SEPTIN2: variants seen among roughly 807,000 people sequenced by gnomAD.
SEPTIN2 encodes septin 2, also known as septin-2.
In SEPTIN2, 34 loss-of-function variants were observed where a neutral mutation model predicts 46.5. The observed-to-expected ratio is 0.73, with a 90% CI of 0.56 to 0.97. The LOEUF (loss-of-function observed/expected upper bound fraction) is 0.97, where lower values mean the gene tolerates loss of function less well. SEPTIN2 is among the 50% of genes least tolerant of loss of function. The pLI is 0.00. For synonymous variants in SEPTIN2, 175 were observed against 153.4 expected (o/e 1.14, Z -1.04); for missense variants, 347 against 448.4 (o/e 0.77, Z 2.04).
chr2:241,316,137 C>T (rs2076172623), intron 1 of SEPTIN2, 155 bp downstream of exon 1: 3 of 197,752 alleles, frequency 1.5e-5, no homozygotes, highest in African/African-American at 4.6e-5. Context: ...CGAGCCCAGG[C>T]TCTTCGGCAC....
intron 2 of SEPTIN2, 33 bp from the exon 3 acceptor site, chr2:241,325,960 T>C: frequency 1.3e-6 from 2 of 1,598,366 alleles, no homozygotes; most frequent in Non-Finnish European, 1.7e-6. Context: ...ACTAAGGTGT[T>C]TATTAGTTTG....
At chr2:241,344,708 A>C (rs907301338) in intron 9 of SEPTIN2, among the ~76,000 whole-genome samples, 1 of 152,068 alleles carries the variant, frequency 6.6e-6, no homozygotes, top group Admixed American at 6.5e-5. Flanking sequence ...GTCTCAAAAA[A>C]ATAATAAATT....
At chr2:241,345,239 T>C (rs1338072236) in intron 9 of SEPTIN2, among the ~76,000 whole-genome samples, 2 of 152,232 alleles carry the variant, frequency 1.3e-5, no homozygotes, top group African/African-American at 4.8e-5. Context: ...TCGCTACATA[T>C]TTGCCGCATG....
intron 11 of SEPTIN2, among the ~76,000 whole-genome samples, chr2:241,349,814 C>CTT (rs1441365788): frequency 6.6e-6 from 1 of 152,160 alleles, no homozygotes; most frequent in Non-Finnish European, 1.5e-5. Flanking sequence ...GAGTGAGACT[C>CTT]TGTCTTAAGA....
At chr2:241,326,686 T>C (rs987598457) in intron 3 of SEPTIN2, among the ~76,000 whole-genome samples, 5 of 152,124 alleles carry the variant, frequency 3.3e-5, no homozygotes, top group African/African-American at 7.2e-5. Context: ...TTACTCACTC[T>C]GGAGGAAGCC....
At chr2:241,334,851 A>G (rs2079653989) in intron 3 of SEPTIN2, among the ~76,000 whole-genome samples, 1 of 152,218 alleles carries the variant, frequency 6.6e-6, no homozygotes, top group South Asian at 2.1e-4. Context: ...GTGAACAGTT[A>G]TGTTTCTAAT....
chr2:241,348,501 G>A (rs1403929807), intron 11 of SEPTIN2, among the ~76,000 whole-genome samples: 1 of 152,190 alleles, frequency 6.6e-6, no homozygotes, highest in African/African-American at 2.4e-5. Flanking sequence ...AAAGTGCTGG[G>A]ATTACAGGTG....
chr2:241,316,546 C>T, intron 1 of SEPTIN2: 1 of 1,518,904 alleles, frequency 6.6e-7, no homozygotes, highest in Non-Finnish European at 8.8e-7. Context: ...CGAAGGTCTG[C>T]ACCAGCGAGG....
chr2:241,318,756 A>C (rs968204838), intron 1 of SEPTIN2, among the ~76,000 whole-genome samples: 1 of 145,896 alleles, frequency 6.9e-6, no homozygotes, highest in Admixed American at 7.1e-5. Context: ...GCTGGAGTGC[A>C]GTGGTGCGAT....
At chr2:241,330,159 T>C (rs2078754573) in intron 3 of SEPTIN2, among the ~76,000 whole-genome samples, 1 of 152,060 alleles carries the variant, frequency 6.6e-6, no homozygotes, top group Non-Finnish European at 1.5e-5. Context: ...GCAATATATC[T>C]AAATAAAAAG....
intron 3 of SEPTIN2, among the ~76,000 whole-genome samples, chr2:241,331,072 T>C (rs945638696): frequency 1.3e-5 from 2 of 152,114 alleles, no homozygotes; most frequent in Non-Finnish European, 2.9e-5. Flanking sequence ...TCAGCTATGC[T>C]GGAGGCTGAG....
chr2:241,345,083 A>T (rs532903672), intron 9 of SEPTIN2, among the ~76,000 whole-genome samples: 1 of 152,260 alleles, frequency 6.6e-6, no homozygotes, highest in South Asian at 2.1e-4. Flanking sequence ...ACTGCACTCC[A>T]GCCTGGGCAA....
intron 7 of SEPTIN2, among the ~76,000 whole-genome samples, 157 bp from the exon 8 acceptor site, chr2:241,342,835 C>T (rs933386307): frequency 5.9e-5 from 9 of 152,042 alleles, no homozygotes; most frequent in African/African-American, 1.9e-4. Context: ...CACACCCGGC[C>T]GCAGTTTTAT....
chr2:241,347,140 C>T (rs1030490456), intron 10 of SEPTIN2, among the ~76,000 whole-genome samples: 3 of 151,910 alleles, frequency 2.0e-5, no homozygotes, highest in African/African-American at 7.3e-5. Context: ...GCCTGTGGTC[C>T]CAGCTACTAG....
At chr2:241,315,921 C>G (rs1263408507), upstream of SEPTIN2, 1 of 152,034 alleles carries the variant, frequency 6.6e-6, no homozygotes, top group Non-Finnish European at 1.5e-5. Flanking sequence ...GTGAGCGGAC[C>G]GCGAGCGCTG....
At chr2:241,335,373 C>A (rs1395128627) in intron 4 of SEPTIN2, 161 bp downstream of exon 4, 1 of 1,551,938 alleles carries the variant, frequency 6.4e-7, no homozygotes, top group Admixed American at 2.0e-5. Flanking sequence ...GCACCGAGGT[C>A]CTTGGATTTG....
At chr2:241,340,836 AC>A (rs1200069076) in intron 7 of SEPTIN2, among the ~76,000 whole-genome samples, 1 of 151,966 alleles carries the variant, frequency 6.6e-6, no homozygotes, top group Non-Finnish European at 1.5e-5. Context: ...ATCTACAAGA[AC>A]CTCTTGCCTC....
intron 10 of SEPTIN2, among the ~76,000 whole-genome samples, chr2:241,347,114 A>T (rs887999474): frequency 6.6e-6 from 1 of 152,142 alleles, no homozygotes; most frequent in African/African-American, 2.4e-5. Context: ...TAAATTAGCC[A>T]GATGTGGTGG....
chr2:241,333,144 G>A (rs931861271), intron 3 of SEPTIN2, among the ~76,000 whole-genome samples: 14 of 152,172 alleles, frequency 9.2e-5, no homozygotes, highest in Non-Finnish European at 1.8e-4. Context: ...CAGGTAGGGG[G>A]TTGAGGGTGA....
Sources: gnomAD v4.1 joint callset for allele counts (sites outside exome capture counted in the v4.1 genomes callset) on GRCh38, gnomAD v4.1.1 for gene constraint, MANE v1.5 for transcripts, NCBI Gene and HGNC (gene_info 2026-07-23, HGNC 2026-07-21) for gene names.